CDH2: variants seen among roughly 807,000 people sequenced by gnomAD.
The protein encoded by CDH2 is cadherin-2.
A neutral mutation model predicts 92.0 loss-of-function variants in CDH2; 17 were observed. That is an observed-to-expected ratio of 0.18 (90% CI 0.13 to 0.28). The LOEUF (loss-of-function observed/expected upper bound fraction) is 0.28. CDH2 is among the 10% of genes least tolerant of loss of function. CDH2 has a pLI of 1.00. For missense variants in CDH2, 862 were observed against 1,133.1 expected (o/e 0.76, Z 3.44); for synonymous variants, 419 against 415.9 (o/e 1.01, Z -0.09).
chr18:28,065,559 C>T (rs2014490465), intron 2 of CDH2, among the ~76,000 whole-genome samples: 2 of 152,154 alleles, frequency 1.3e-5, no homozygotes, highest in Non-Finnish European at 2.9e-5. Context: ...GACACTAACT[C>T]AAGTGCCAGG....
At chr18:28,079,825 C>G (rs188206219) in intron 2 of CDH2, among the ~76,000 whole-genome samples, 19 of 152,290 alleles carry the variant, frequency 1.2e-4, no homozygotes, top group Admixed American at 1.0e-3. Context: ...TCCACCCCCC[C>G]TCAGAAAACG....
At chr18:28,020,621 G>A (rs1373604358) in intron 2 of CDH2, among the ~76,000 whole-genome samples, 1 of 151,938 alleles carries the variant, frequency 6.6e-6, no homozygotes, top group African/African-American at 2.4e-5. Flanking sequence ...TTCAAAATAT[G>A]AAGCAGTTTT....
intron 2 of CDH2, among the ~76,000 whole-genome samples, chr18:28,145,496 T>C (rs910006267): frequency 1.3e-5 from 2 of 152,076 alleles, no homozygotes; most frequent in African/African-American, 4.8e-5. Flanking sequence ...TTCATAGATA[T>C]AATTATGGTG....
At chr18:28,034,589 T>C (rs2013779060) in intron 2 of CDH2, among the ~76,000 whole-genome samples, 1 of 151,974 alleles carries the variant, frequency 6.6e-6, no homozygotes, top group African/African-American at 2.4e-5. Context: ...CGTTAAAAAA[T>C]TACATAGGCC....
chr18:28,031,095 A>G (rs532124794), intron 2 of CDH2, among the ~76,000 whole-genome samples: 1 of 151,404 alleles, frequency 6.6e-6, no homozygotes, highest in African/African-American at 2.4e-5. Context: ...AGTATCCTAC[A>G]TCTAACTGCC....
intron 1 of CDH2, among the ~76,000 whole-genome samples, chr18:28,174,472 T>C (rs1037113441): frequency 2.6e-5 from 4 of 152,204 alleles, no homozygotes; most frequent in Non-Finnish European, 5.9e-5. Flanking sequence ...TCATTCAATG[T>C]TACTGCTTGA....
At chr18:28,031,645 A>G (rs1158982943) in intron 2 of CDH2, among the ~76,000 whole-genome samples, 1 of 152,152 alleles carries the variant, frequency 6.6e-6, no homozygotes, top group Non-Finnish European at 1.5e-5. Context: ...CCTTGTTTGT[A>G]TATTTGAAAT....
chr18:27,941,327 A>C (rs1436456432), intron 6 of CDH2, among the ~76,000 whole-genome samples: 1 of 152,078 alleles, frequency 6.6e-6, no homozygotes, highest in African/African-American at 2.4e-5. Flanking sequence ...GAGCCACCGT[A>C]CCTGGCCAAG....
intron 8 of CDH2, 21 bp from the exon 9 acceptor site, chr18:27,992,861 A>T (rs780009353): frequency 6.2e-7 from 1 of 1,603,986 alleles, no homozygotes. Flanking sequence ...GACAAACCTC[A>T]GTCAGAGGAG....
chr18:28,002,923 A>T, intron 7 of CDH2, 74 bp downstream of exon 7: 1 of 1,277,146 alleles, frequency 7.8e-7, no homozygotes, highest in Non-Finnish European at 1.1e-6. Flanking sequence ...ATGTGGAGAT[A>T]AAATGTATGT....
intron 8 of CDH2, 25 bp downstream of exon 8, chr18:27,993,475 T>C (rs1427529742): frequency 1.2e-6 from 2 of 1,604,454 alleles, no homozygotes. Context: ...GACCCAAAGT[T>C]GTGTGAGTGA....
intron 2 of CDH2, among the ~76,000 whole-genome samples, chr18:28,060,263 T>A (rs1002736666): frequency 1.3e-5 from 2 of 152,188 alleles, no homozygotes; most frequent in African/African-American, 4.8e-5. Context: ...CTCGGTTCAC[T>A]GCACTCTCTG....
Position 27,995,212 on chromosome 18 carries a change from G to A in CDH2, c.1021-1575C>T, listed in dbSNP as rs191717957. On this transcript the variant is annotated intron_variant, in intron 7 of 15. Coordinates refer to ENST00000269141, the MANE Select transcript of CDH2 (RefSeq NM_001792.5). Reference sequence around the variant, plus strand: ...GCCTGAAATCCCAGCTACTCGGGAGGCTGAGGCAGGAAAATCACGTGAACC... The same window carrying A: ...GCCTGAAATCCCAGCTACTCGGGAGACTGAGGCAGGAAAATCACGTGAACC... Among the ~76,000 whole-genome samples the A allele has an allele frequency of 2.0e-5, 3 of 150,838 alleles. No individual in the cohort carries two copies. The East Asian group carries it at 5.9e-4, about 30-fold the overall frequency.
intron 2 of CDH2, among the ~76,000 whole-genome samples, chr18:28,123,724 T>A (rs1318200314): frequency 6.6e-6 from 1 of 152,152 alleles, no homozygotes; most frequent in Non-Finnish European, 1.5e-5. Context: ...ACTGTATCGA[T>A]CTCACTAAAT....
At chr18:27,939,042 G>A (rs917903580) in intron 6 of CDH2, among the ~76,000 whole-genome samples, 1 of 152,132 alleles carries the variant, frequency 6.6e-6, no homozygotes, top group Non-Finnish European at 1.5e-5. Flanking sequence ...GGGCCTTCTG[G>A]ATCAGATGAA....
At chr18:28,172,496 TTAAAA>T (rs1293026280) in intron 1 of CDH2, among the ~76,000 whole-genome samples, 1 of 152,042 alleles carries the variant, frequency 6.6e-6, no homozygotes, top group African/African-American at 2.4e-5. Context: ...TTCTGAAAAA[TTAAAA>T]TAAAAATAAA....
intron 2 of CDH2, among the ~76,000 whole-genome samples, chr18:28,120,883 G>C (rs538320411): frequency 6.6e-6 from 1 of 152,176 alleles, no homozygotes; most frequent in East Asian, 1.9e-4. Flanking sequence ...AAACTCTTAG[G>C]TAAGGGTTTC....
chr18:27,978,020 C>T (rs1279973554), intron 14 of CDH2, among the ~76,000 whole-genome samples: 1 of 152,094 alleles, frequency 6.6e-6, no homozygotes, highest in Non-Finnish European at 1.5e-5. Context: ...TTACTTCACA[C>T]TACAAAGAAA....
intron 2 of CDH2, among the ~76,000 whole-genome samples, chr18:28,019,512 C>T (rs1485280817): frequency 1.3e-5 from 2 of 151,944 alleles, no homozygotes; most frequent in African/African-American, 4.8e-5. Context: ...TGTCACAGTG[C>T]TTGAGGGAGG....
Sources: allele counts gnomAD v4.1 joint callset (sites outside exome capture counted in the v4.1 genomes callset), GRCh38; gene constraint gnomAD v4.1.1; transcripts MANE v1.5; gene names NCBI Gene and HGNC (gene_info 2026-07-23, HGNC 2026-07-21).